ATP13A3: variants seen among roughly 807,000 people sequenced by gnomAD.
ATP13A3 encodes polyamine-transporting ATPase 13A3.
Under a neutral mutation model 158.1 loss-of-function variants are expected in ATP13A3, and 59 were observed. That is an observed-to-expected ratio of 0.37 (90% confidence interval 0.30 to 0.46). The LOEUF (loss-of-function observed/expected upper bound fraction) is 0.46, where lower values mean the gene tolerates loss of function less well. ATP13A3 is among the 20% of genes least tolerant of loss of function. The probability of loss-of-function intolerance (pLI) is 1.00; values close to 1 mark genes in which losing one functional copy is unlikely to be tolerated. For missense variants in ATP13A3, 1,166 were observed against 1,525.2 expected, an observed-to-expected ratio of 0.76 and a Z score of 3.92; for synonymous variants, 491 against 504.3, an observed-to-expected ratio of 0.97 and a Z score of 0.35.
At chr3:194,417,696 T>A (rs547698569) in intron 31 of ATP13A3, among the ~76,000 whole-genome samples, 37 of 152,084 alleles carry the variant, frequency 2.4e-4, no homozygotes, top group Non-Finnish European at 4.4e-4. Flanking sequence ...CTTAATACTT[T>A]CGGAGGCTGA....
intron 3 of ATP13A3, among the ~76,000 whole-genome samples, chr3:194,461,191 T>A (rs1056861885): frequency 1.3e-5 from 2 of 151,236 alleles, no homozygotes; most frequent in Non-Finnish European, 2.9e-5. Context: ...TGAGGTGGGC[T>A]TTTTTTTTAA....
At chr3:194,470,766 G>A (rs12492763) in intron 2 of ATP13A3, among the ~76,000 whole-genome samples, 18 of 152,110 alleles carry the variant, frequency 1.2e-4, no homozygotes, top group African/African-American at 3.9e-4. Flanking sequence ...CACATTCAAG[G>A]TTAAGAATTT....
In ATP13A3 at chr3:194,481,801, A is replaced by G. The variant is rs144914224; in HGVS notation, c.-47+3993T>C. Among the ~76,000 whole-genome samples, 1,135 of 152,352 alleles carry G rather than the reference A, an allele frequency of 7.4e-3. 17 individuals carry two copies. Among genetic ancestry groups the G allele is most frequent in the African/African-American group, 0.025 (1,047 of 41,592 alleles). ...CTTAAGTGACTTTTTCTGGAAATTTAATTTCTTATCTAACTAGTCTCTGAG... is the reference window on the plus strand; with the variant it reads ...CTTAAGTGACTTTTTCTGGAAATTTGATTTCTTATCTAACTAGTCTCTGAG... On this transcript the variant is annotated intron_variant, in intron 2 of 33. Coordinates refer to ENST00000645319, the MANE Select transcript of ATP13A3 (RefSeq NM_001367549.1).
chr3:194,404,003 A>G lies in ATP13A3; in HGVS notation c.*1916T>C, dbSNP rs1429149261. ...CGGATAATTGAATTTTTAAGCTGCTACTTAGCAATTACTTTCATTATATGC... is the reference window on the plus strand; with the variant it reads ...CGGATAATTGAATTTTTAAGCTGCTGCTTAGCAATTACTTTCATTATATGC... On this transcript the variant is annotated 3_prime_UTR_variant, in exon 34 of 34. Transcript: ENST00000645319. 3 of 397,568 alleles carry G rather than the reference A, an allele frequency of 7.5e-6. No individual in the cohort carries two copies. The highest frequency in any genetic ancestry group is 6.4e-5 in the African/African-American group (3 of 46,970). 24.6% of individuals were successfully genotyped at this position (397,568 alleles called of 1,614,324 possible).
chr3:194,482,975 TG>T (rs1360554968), intron 2 of ATP13A3, among the ~76,000 whole-genome samples: 1 of 151,776 alleles, frequency 6.6e-6, no homozygotes, highest in African/African-American at 2.4e-5. Flanking sequence ...GGCATGGTGG[TG>T]GGCACCTGTA....
At chr3:194,475,041 GA>G (rs1720466252) in intron 2 of ATP13A3, among the ~76,000 whole-genome samples, 2 of 152,154 alleles carry the variant, frequency 1.3e-5, no homozygotes, top group South Asian at 4.1e-4. Context: ...CAGCACGGTG[GA>G]GAGGAAAAGC....
chr3:194,445,762 T>A (rs1718359713), intron 14 of ATP13A3, among the ~76,000 whole-genome samples: 1 of 152,198 alleles, frequency 6.6e-6, no homozygotes, highest in Non-Finnish European at 1.5e-5. Flanking sequence ...TTGTATCACA[T>A]CAGTTACCCA....
At chr3:194,424,122 G>C (rs1716586052) in intron 30 of ATP13A3, among the ~76,000 whole-genome samples, 1 of 151,692 alleles carries the variant, frequency 6.6e-6, no homozygotes, top group Admixed American at 6.6e-5. Flanking sequence ...AACCTTCCAT[G>C]GAAGGTTTTT....
Position 194,405,884 on chromosome 3 carries a change from C to T in ATP13A3, c.*35G>A, listed in dbSNP as rs770792579. 7 of 1,600,784 alleles carry T rather than the reference C, an allele frequency of 4.4e-6. No individual in the cohort carries two copies. Among genetic ancestry groups the T allele is most frequent in the South Asian group, 3.3e-5 (3 of 90,686 alleles). On this transcript the variant is annotated 3_prime_UTR_variant, in exon 34 of 34. Transcript: ENST00000645319. ...TCCTAAAATCACATATTCCTGAATA[C>T]TGCTATCAGCAATACCACTGAGACT...
At chr3:194,421,917 C>A (rs184120199) in intron 30 of ATP13A3, among the ~76,000 whole-genome samples, 3 of 137,250 alleles carry the variant, frequency 2.2e-5, no homozygotes, top group Non-Finnish European at 4.5e-5. Context: ...AGATTTGCGA[C>A]CTGGTTCTTG....
At chr3:194,413,673 T>A in intron 32 of ATP13A3, 86 bp downstream of exon 32, 2 of 1,180,736 alleles carry the variant, frequency 1.7e-6, no homozygotes, top group Non-Finnish European at 2.5e-6. Flanking sequence ...TTCCATTATA[T>A]TACCTGCCCT....
chr3:194,444,731 T>C lies in ATP13A3; in HGVS notation c.1553A>G (p.Asn518Ser). The change falls in exon 15 of 34, where the codon AAT becomes AGT. Residue 518 changes from asparagine to serine, a missense_variant. Around this residue, in one of 3 missense-constraint regions of ATP13A3, gnomAD observed 997 missense variants for 1,341.2 expected, o/e 0.74. Coordinates refer to ENST00000645319, the MANE Select transcript of ATP13A3 (RefSeq NM_001367549.1). ...AAGTCTAACTAATATTTACCGTGCA[T>C]TTTCCACTCGTTGAATCCCCCAAAG... ...LDLWGIQRVE[N>S]ARFLSPEENV... is the part of the protein sequence containing the mutation. The C allele has an allele frequency of 6.3e-7, 1 of 1,592,420 alleles. No homozygotes were observed.
chr3:194,420,146 C>A, intron 30 of ATP13A3, 179 bp from the exon 31 acceptor site: 1 of 521,294 alleles, frequency 1.9e-6, no homozygotes, highest in Non-Finnish European at 2.9e-6. Flanking sequence ...GTTCGGGGCA[C>A]CCAAAAGATT....
Position 194,471,228 on chromosome 3 carries a change from T to A in ATP13A3, c.-46-8992A>T, listed in dbSNP as rs535853527. 5.4e-5 allele frequency among the ~76,000 whole-genome samples: 8 copies of A among 149,342 alleles called. No homozygotes were observed. The Admixed American group carries it at 5.4e-4, about 10-fold the overall frequency. On this transcript the variant is annotated intron_variant, in intron 2 of 33. Coordinates refer to ENST00000645319, the MANE Select transcript of ATP13A3 (RefSeq NM_001367549.1). ...ATTCTGAAAGCTCCTTTAACAAGTA[T>A]ACTTCTATTAATTAGATTTATTTCT...
chr3:194,458,476 G>C (rs1414679500), intron 6 of ATP13A3, among the ~76,000 whole-genome samples: 1 of 152,020 alleles, frequency 6.6e-6, no homozygotes, highest in African/African-American at 2.4e-5. Context: ...GCAACCTCCG[G>C]CCCCCTGGGT....
In ATP13A3 at chr3:194,412,231, CTCCT is replaced by C; in HGVS notation, c.3537_3540del (p.Gly1180SerfsTer63). On this transcript the variant is annotated frameshift_variant, in exon 33 of 34. Transcript: ENST00000645319. LOFTEE classifies it high-confidence loss of function. ...GGCTGTGTGGTGCTGAACCGATACT[CTCCT>C]TGTTTGTCTCGGTTGAACACAACTT... The C allele has an allele frequency of 6.5e-7, 1 of 1,536,410 alleles. No homozygotes were observed. The highest frequency in any genetic ancestry group is 8.7e-7 in the Non-Finnish European group (1 of 1,146,986).
Position 194,403,514 on chromosome 3 carries a change from T to C in ATP13A3, c.*2405A>G, listed in dbSNP as rs1024011083. On this transcript the variant is annotated 3_prime_UTR_variant, in exon 34 of 34. Coordinates refer to ENST00000645319, the MANE Select transcript of ATP13A3 (RefSeq NM_001367549.1). ...AAAGTTAAAAAGTTACATATCATTA[T>C]TTAACAATTACTTTCCCAGACATTT... The C allele has an allele frequency of 1.3e-5, 2 of 152,246 alleles. No individual in the cohort carries two copies. The highest frequency in any genetic ancestry group is 4.8e-5 in the African/African-American group (2 of 41,472). 9.4% of individuals were successfully genotyped at this position (152,246 alleles called of 1,614,324 possible). A position where few individuals can be genotyped will look rare whatever the true frequency, so the allele number is the denominator to read the frequency against.
chr3:194,411,066 G>GAAAA (rs35746857), intron 33 of ATP13A3, among the ~76,000 whole-genome samples: 164 of 145,130 alleles, frequency 1.1e-3, no homozygotes, highest in Middle Eastern at 0.01. Context: ...CTGCTTTCAG[G>GAAAA]AAAAAAAAAA....
At chr3:194,431,297 AT>A in intron 22 of ATP13A3, 71 bp from the exon 23 acceptor site, 1 of 1,466,056 alleles carries the variant, frequency 6.8e-7, no homozygotes, top group Non-Finnish European at 9.2e-7. Flanking sequence ...TTTTAAACAT[AT>A]TTGTTCTAAA....
Sources: allele counts gnomAD v4.1 joint callset (sites outside exome capture counted in the v4.1 genomes callset), GRCh38; gene constraint gnomAD v4.1.1; regional missense constraint gnomAD v4.1.1; transcripts MANE v1.5; gene names NCBI Gene and HGNC (gene_info 2026-07-23, HGNC 2026-07-21).